MDGA2: variants seen among roughly 807,000 people sequenced by gnomAD.
MDGA2 encodes MAM domain containing glycosylphosphatidylinositol anchor 2.
Under a neutral mutation model 117.8 loss-of-function variants are expected in MDGA2, and 40 were observed. The ratio of observed to expected loss-of-function variants is 0.34; its 90% CI spans 0.26 to 0.44. The LOEUF (loss-of-function observed/expected upper bound fraction) is 0.44. MDGA2 is among the 20% of genes least tolerant of loss of function. The pLI is 1.00. For missense variants in MDGA2, 1,123 were observed against 1,250.6 expected (o/e 0.90, Z 1.54); for synonymous variants, 452 against 439.0 (o/e 1.03, Z -0.37).
chr14:47,460,018 AT>A (rs1893449677), intron 1 of MDGA2, among the ~76,000 whole-genome samples: 1 of 152,156 alleles, frequency 6.6e-6, no homozygotes, highest in African/African-American at 2.4e-5. Context: ...GTCTACCTTA[AT>A]TTGTATCTGT....
chr14:47,516,147 G>A (rs1437955293), intron 1 of MDGA2, among the ~76,000 whole-genome samples: 1 of 152,108 alleles, frequency 6.6e-6, no homozygotes, highest in East Asian at 1.9e-4. Context: ...TGATGCTTAT[G>A]TCCCCTGTTT....
At chr14:47,002,799 T>G (rs1270633845) in intron 8 of MDGA2, among the ~76,000 whole-genome samples, 1 of 152,176 alleles carries the variant, frequency 6.6e-6, no homozygotes, top group Admixed American at 6.6e-5. Flanking sequence ...TTTAGATAAA[T>G]ATATGCATTT....
intron 3 of MDGA2, among the ~76,000 whole-genome samples, chr14:47,186,909 T>C (rs116908440): frequency 0.028 from 4,222 of 152,076 alleles, 87 homozygotes; most frequent in Middle Eastern, 0.054. Context: ...TCTCTTGTTT[T>C]GCTATGAGTT....
At chr14:46,947,301 T>C (rs561523548) in intron 9 of MDGA2, among the ~76,000 whole-genome samples, 12 of 152,268 alleles carry the variant, frequency 7.9e-5, no homozygotes, top group Admixed American at 6.6e-4. Context: ...TCTATATAAT[T>C]CTAAATCCTG....
At chr14:47,242,372 T>C (rs978875218) in intron 2 of MDGA2, among the ~76,000 whole-genome samples, 7 of 151,864 alleles carry the variant, frequency 4.6e-5, no homozygotes, top group Non-Finnish European at 8.8e-5. Context: ...CCCCCCACTG[T>C]ACTGTGGGAG....
chr14:47,619,116 TACACACACACAC>T lies in MDGA2; in HGVS notation c.280+55389_280+55400del, dbSNP rs1555336908. Among the ~76,000 whole-genome samples the T allele has an allele frequency of 6.1e-4, 55 of 90,710 alleles. 1 individual carries two copies. The highest frequency in any genetic ancestry group is 2.3e-3 in the Admixed American group (18 of 7,974). 59.5% of individuals were successfully genotyped at this position (90,710 alleles called of 152,430 possible). On this transcript the variant is annotated intron_variant, in intron 1 of 16. Coordinates refer to ENST00000399232, the MANE Select transcript of MDGA2 (RefSeq NM_001113498.3). ...TAGCATCTCTGAGCCTCAGTTTAAT[TACACACACACAC>T]ACACACACACACACACACACACAGA...
intron 2 of MDGA2, among the ~76,000 whole-genome samples, chr14:47,268,398 C>A (rs1185246608): frequency 1.3e-5 from 2 of 151,886 alleles, no homozygotes; most frequent in Admixed American, 6.6e-5. Context: ...TATATACAGG[C>A]AAATTCATTA....
At chr14:47,557,713 G>C (rs578141808) in intron 1 of MDGA2, among the ~76,000 whole-genome samples, 1 of 152,096 alleles carries the variant, frequency 6.6e-6, no homozygotes, top group Non-Finnish European at 1.5e-5. Flanking sequence ...CATGTTCTAC[G>C]TCAGGCACTA....
intron 5 of MDGA2, among the ~76,000 whole-genome samples, chr14:47,108,197 G>C (rs1000292892): frequency 6.6e-6 from 1 of 152,042 alleles, no homozygotes; most frequent in African/African-American, 2.4e-5. Context: ...GCCTGTCCTC[G>C]GAATGCTACA....
At chr14:47,537,795 C>G (rs1305772777) in intron 1 of MDGA2, among the ~76,000 whole-genome samples, 8 of 151,842 alleles carry the variant, frequency 5.3e-5, no homozygotes, top group Non-Finnish European at 1.2e-4. Flanking sequence ...ACATTAATTC[C>G]AGGGTTCACT....
chr14:47,106,491 C>T, intron 5 of MDGA2, among the ~76,000 whole-genome samples: 1 of 151,932 alleles, frequency 6.6e-6, no homozygotes, highest in Non-Finnish European at 1.5e-5. Flanking sequence ...CCAAGGAATG[C>T]CCGCAGCCTG....
chr14:47,253,604 T>C (rs900042563), intron 2 of MDGA2, among the ~76,000 whole-genome samples: 1 of 152,230 alleles, frequency 6.6e-6, no homozygotes, highest in Non-Finnish European at 1.5e-5. Flanking sequence ...AGGGAACAGA[T>C]CCCTCCAGGC....
At chr14:46,930,636 T>A (rs1884533881) in intron 9 of MDGA2, among the ~76,000 whole-genome samples, 1 of 152,144 alleles carries the variant, frequency 6.6e-6, no homozygotes, top group African/African-American at 2.4e-5. Context: ...AAAGAGTTAA[T>A]CACTCTGGCA....
intron 2 of MDGA2, among the ~76,000 whole-genome samples, chr14:47,225,993 GA>G (rs1433699580): frequency 6.6e-6 from 1 of 151,792 alleles, no homozygotes; most frequent in African/African-American, 2.4e-5. Flanking sequence ...GGCAGTAATA[GA>G]AAAAGGGAGC....
At chr14:46,980,791 G>T (rs1886641323) in intron 8 of MDGA2, among the ~76,000 whole-genome samples, 1 of 152,120 alleles carries the variant, frequency 6.6e-6, no homozygotes, top group Non-Finnish European at 1.5e-5. Flanking sequence ...TAACAATAAA[G>T]TATTTTTAGT....
At chr14:46,922,510 T>G (rs1884171936) in intron 9 of MDGA2, among the ~76,000 whole-genome samples, 1 of 152,104 alleles carries the variant, frequency 6.6e-6, no homozygotes, top group Non-Finnish European at 1.5e-5. Context: ...CAAAATTATC[T>G]CATAACATTA....
chr14:46,875,878 T>A (rs1203357077), intron 12 of MDGA2, among the ~76,000 whole-genome samples: 1 of 151,636 alleles, frequency 6.6e-6, no homozygotes, highest in Non-Finnish European at 1.5e-5. Flanking sequence ...TATATGTTAT[T>A]TAAAATTATG....
chr14:47,167,651 A>C (rs2139304455), intron 3 of MDGA2, among the ~76,000 whole-genome samples: 1 of 152,292 alleles, frequency 6.6e-6, no homozygotes, highest in Admixed American at 6.5e-5. Context: ...TTAGATTACA[A>C]GAGTTAAAGC....
At chr14:47,027,627 T>TTG (rs1555344546) in intron 8 of MDGA2, among the ~76,000 whole-genome samples, 6 of 145,952 alleles carry the variant, frequency 4.1e-5, no homozygotes, top group South Asian at 2.1e-4. Flanking sequence ...ATATTATATA[T>TTG]TATATATATA....
Sources: gnomAD v4.1 joint callset for allele counts (sites outside exome capture counted in the v4.1 genomes callset) on GRCh38, gnomAD v4.1.1 for gene constraint, MANE v1.5 for transcripts, NCBI Gene and HGNC (gene_info 2026-07-23, HGNC 2026-07-21) for gene names.